The following PTPRN2 variants were observed in gnomAD, a reference collection of about 807,000 sequenced individuals.
PTPRN2 encodes the protein receptor-type tyrosine-protein phosphatase N2.
Under a neutral mutation model 118.8 loss-of-function variants are expected in PTPRN2, and 74 were observed. The observed-to-expected ratio is 0.62, with a 90% CI of 0.52 to 0.76. PTPRN2 has a LOEUF of 0.76. Ranked by LOEUF, PTPRN2 falls within the 30% of genes least tolerant of loss-of-function variation. PTPRN2 has a pLI of 0.00. For missense variants in PTPRN2, 1,481 were observed against 1,394.4 expected (o/e 1.06, Z -0.99); for synonymous variants, 641 against 608.0 (o/e 1.05, Z -0.80).
intron 1 of PTPRN2, among the ~76,000 whole-genome samples, chr7:158,557,666 C>G (rs986397325): frequency 3.3e-5 from 5 of 152,250 alleles, no homozygotes; most frequent in African/African-American, 7.2e-5. Flanking sequence ...GGGCTCACAC[C>G]TTTAGAACCC....
At chr7:157,880,632 G>A (rs927165217) in intron 12 of PTPRN2, among the ~76,000 whole-genome samples, 12 of 152,308 alleles carry the variant, frequency 7.9e-5, no homozygotes, top group African/African-American at 1.2e-4. Flanking sequence ...CATCGTTGAC[G>A]GTGACACATT....
intron 14 of PTPRN2, among the ~76,000 whole-genome samples, chr7:157,634,386 T>A (rs1804168790): frequency 6.6e-6 from 1 of 152,248 alleles, no homozygotes; most frequent in Non-Finnish European, 1.5e-5. Flanking sequence ...TGAATGGCAC[T>A]ATTCAGCTTT....
chr7:157,703,135 G>A (rs1380277022), intron 12 of PTPRN2, among the ~76,000 whole-genome samples: 3 of 152,218 alleles, frequency 2.0e-5, no homozygotes, highest in Admixed American at 6.5e-5. Flanking sequence ...CAGTGTGGCC[G>A]GCAGCCTCTG....
chr7:158,369,424 G>A (rs1809791638), intron 2 of PTPRN2, among the ~76,000 whole-genome samples: 1 of 152,114 alleles, frequency 6.6e-6, no homozygotes, highest in Non-Finnish European at 1.5e-5. Flanking sequence ...TGGTGAGGGT[G>A]CCGGGGGTCA....
intron 11 of PTPRN2, among the ~76,000 whole-genome samples, chr7:158,034,231 A>G (rs1432242119): frequency 6.8e-6 from 1 of 148,088 alleles, no homozygotes; most frequent in Non-Finnish European, 1.5e-5. Flanking sequence ...ACCTCAATAG[A>G]AACTCTGCAT....
chr7:158,439,500 AG>A (rs1816824525), intron 2 of PTPRN2, among the ~76,000 whole-genome samples: 2 of 152,198 alleles, frequency 1.3e-5, no homozygotes, highest in African/African-American at 4.8e-5. Context: ...AAGGAGGAGA[AG>A]GAAGAGAAGA....
In PTPRN2 at chr7:157,798,740, G is replaced by A. The variant is rs117707400; in HGVS notation, c.1788+99933C>T. The stretch of plus-strand genomic sequence containing the variant: ...CTCTTTTTTGCCTATTGATGTGAAA[G>A]AATCTGGGGCTAAAAGTATTACAGA... On this transcript the variant is annotated intron_variant, in intron 12 of 22. Transcript: ENST00000389418. Among the ~76,000 whole-genome samples the A allele has an allele frequency of 7.8e-3, 1,178 of 151,268 alleles. 38 individuals are homozygous for A. The South Asian group carries it at 0.1, about 13-fold the overall frequency.
chr7:158,096,595 A>T (rs10272627), intron 10 of PTPRN2, among the ~76,000 whole-genome samples: 31 of 152,096 alleles, frequency 2.0e-4, no homozygotes, highest in African/African-American at 7.3e-4. Context: ...TTTCCTTGAC[A>T]TTCCTTATTT....
intron 21 of PTPRN2, among the ~76,000 whole-genome samples, chr7:157,563,642 A>T (rs1340327564): frequency 6.9e-6 from 1 of 145,130 alleles, no homozygotes; most frequent in South Asian, 2.3e-4. Context: ...ATCACCACAC[A>T]CCACAGATCA....
At chr7:158,436,882 T>C (rs1025415611) in intron 2 of PTPRN2, among the ~76,000 whole-genome samples, 61 of 152,200 alleles carry the variant, frequency 4.0e-4, no homozygotes, top group African/African-American at 1.4e-3. Flanking sequence ...AGGGTTTTCT[T>C]TGTGTTCATT....
At chr7:158,016,571 A>T (rs575011565) in intron 11 of PTPRN2, among the ~76,000 whole-genome samples, 3 of 152,328 alleles carry the variant, frequency 2.0e-5, no homozygotes, top group Admixed American at 2.0e-4. Context: ...TTGGACAAGC[A>T]AGTCGCCTGC....
At chr7:157,734,400 T>C (rs1408689228) in intron 12 of PTPRN2, among the ~76,000 whole-genome samples, 2 of 152,260 alleles carry the variant, frequency 1.3e-5, no homozygotes, top group Non-Finnish European at 2.9e-5. Context: ...CAATGTTTGT[T>C]CCAGGAAAAC....
At position 158,273,409 on chromosome 7, in the gene PTPRN2, C is replaced by T. The variant is rs895235868; in HGVS notation, c.277+43410G>A. Among the ~76,000 whole-genome samples the T allele has an allele frequency of 5.1e-5, 7 of 137,448 alleles. 1 individual carries two copies. The highest frequency in any genetic ancestry group is 2.1e-4 in the East Asian group (1 of 4,748). The allele number at this position is 137,448 out of a possible 152,430, so 90.2% of individuals were successfully genotyped here. ...TCGTGGATGCAGACACGGGAGGAGC[C>T]GCAGACAGACGCGGGAGGAGCCGCA... On this transcript the variant is annotated intron_variant, in intron 3 of 22. Coordinates refer to ENST00000389418, the MANE Select transcript of PTPRN2 (RefSeq NM_002847.5).
chr7:158,105,773 A>C (rs1458138288), intron 10 of PTPRN2, among the ~76,000 whole-genome samples: 2 of 151,206 alleles, frequency 1.3e-5, no homozygotes, highest in Non-Finnish European at 2.9e-5. Context: ...ATCCAGATGC[A>C]TGCCCTGCTT....
At chr7:158,527,341 C>T (rs112182380) in intron 1 of PTPRN2, among the ~76,000 whole-genome samples, 1 of 152,218 alleles carries the variant, frequency 6.6e-6, no homozygotes, top group South Asian at 2.1e-4. Context: ...TCCCTGGCCA[C>T]AGCTCCCTGA....
intron 11 of PTPRN2, among the ~76,000 whole-genome samples, chr7:158,059,427 G>C (rs1585299497): frequency 8.5e-6 from 1 of 117,214 alleles, no homozygotes; most frequent in Non-Finnish European, 1.6e-5. Context: ...CACTCCATCT[G>C]CCCACGGTGA....
intron 9 of PTPRN2, among the ~76,000 whole-genome samples, chr7:158,113,974 C>T (rs890269788): frequency 2.0e-5 from 3 of 152,194 alleles, no homozygotes; most frequent in Non-Finnish European, 4.4e-5. Context: ...TCTGGGTACC[C>T]CTCAGAGCCA....
chr7:158,587,484 T>A (rs1444011100), intron 1 of PTPRN2, 74 bp downstream of exon 1: 36 of 696,502 alleles, frequency 5.2e-5, no homozygotes, highest in African/African-American at 6.3e-5. Flanking sequence ...CCAGACCCCC[T>A]CACGGAGGCG....
chr7:158,333,739 T>C (rs1283594536), intron 2 of PTPRN2, among the ~76,000 whole-genome samples: 207 of 68,088 alleles, frequency 3.0e-3, no homozygotes, highest in African/African-American at 3.7e-3. Context: ...CTCACACACA[T>C]ACTCTCACCA....
Sources: allele counts gnomAD v4.1 joint callset (sites outside exome capture counted in the v4.1 genomes callset), GRCh38; gene constraint gnomAD v4.1.1; transcripts MANE v1.5; gene names NCBI Gene and HGNC (gene_info 2026-07-23, HGNC 2026-07-21).